The following SNX2 variants were observed in gnomAD, a reference collection of about 807,000 sequenced individuals.
The protein encoded by SNX2 is sorting nexin-2.
SNX2 carries 25 observed loss-of-function variants against 69.9 expected under a neutral mutation model. The ratio of observed to expected loss-of-function variants is 0.36; its 90% CI spans 0.26 to 0.50. The LOEUF is 0.50. Ranked by LOEUF, SNX2 falls within the 20% of genes least tolerant of loss-of-function variation. The probability of loss-of-function intolerance (pLI) is 0.97; values close to 1 mark genes in which losing one functional copy is unlikely to be tolerated. For synonymous variants in SNX2, 229 were observed against 200.4 expected (o/e 1.14, Z -1.20); for missense variants, 551 against 613.3 (o/e 0.90, Z 1.07).
Position 122,819,041 on chromosome 5 carries a change from T to A in SNX2, c.1212+18T>A. The stretch of plus-strand genomic sequence containing the variant: ...CAGTGAAAGTAAGCCCTTTCTTGCA[T>A]GCTTCTCACTTGTGTCGTGTACTTT... On this transcript the variant is annotated intron_variant, in intron 11 of 14. Transcript: ENST00000379516. The A allele has an allele frequency of 6.3e-7, 1 of 1,582,626 alleles. No individual in the cohort carries two copies. Among genetic ancestry groups the A allele is most frequent in the Non-Finnish European group, 8.7e-7 (1 of 1,152,194 alleles).
chr5:122,803,848 T>C (rs770641510), intron 6 of SNX2: 6 of 363,202 alleles, frequency 1.7e-5, no homozygotes, highest in East Asian at 4.8e-5. Flanking sequence ...ATGTTAAATA[T>C]TGGGTAGAGG....
intron 1 of SNX2, among the ~76,000 whole-genome samples, chr5:122,781,428 G>A (rs1379911121): frequency 6.6e-6 from 1 of 152,144 alleles, no homozygotes. Context: ...CATTTCAGTT[G>A]TTTCCAGTTT....
At chr5:122,801,477 C>T (rs2150008139) in intron 3 of SNX2, among the ~76,000 whole-genome samples, 1 of 152,032 alleles carries the variant, frequency 6.6e-6, no homozygotes, top group South Asian at 2.1e-4. Context: ...TGGTGGCAGA[C>T]ACCTGTAATC....
Position 122,809,429 on chromosome 5 carries a change from T to G in SNX2, c.722+1074T>G, listed in dbSNP as rs186256400. On this transcript the variant is annotated intron_variant, in intron 7 of 14. Transcript: ENST00000379516. ...AAGACTTGTCTTCCTTGAAGCAGACTAAAAGGGGGACAGATGGGAGGATGG... is the reference window on the plus strand; with the variant it reads ...AAGACTTGTCTTCCTTGAAGCAGACGAAAAGGGGGACAGATGGGAGGATGG... 3.9e-4 allele frequency among the ~76,000 whole-genome samples: 59 copies of G among 152,286 alleles called. No individual in the cohort carries two copies. The East Asian group carries it at 5.4e-3, about 14-fold the overall frequency.
chr5:122,799,058 C>T (rs1304598878), intron 2 of SNX2, among the ~76,000 whole-genome samples: 1 of 152,010 alleles, frequency 6.6e-6, no homozygotes, highest in Non-Finnish European at 1.5e-5. Flanking sequence ...TGTTATGTAG[C>T]CTGTAGACAT....
chr5:122,816,528 C>G (rs1404704094), intron 8 of SNX2, among the ~76,000 whole-genome samples: 1 of 152,104 alleles, frequency 6.6e-6, no homozygotes, highest in African/African-American at 2.4e-5. Context: ...ACAAAGCTAA[C>G]TGAGCATAAG....
intron 1 of SNX2, among the ~76,000 whole-genome samples, chr5:122,786,907 C>T (rs1033233781): frequency 1.6e-4 from 24 of 152,038 alleles, no homozygotes; most frequent in Middle Eastern, 3.4e-3. Flanking sequence ...GAGATACTAG[C>T]AAAAAAATCT....
rs1481383275 is a variant in SNX2, at chr5:122,830,875, G to A, written c.*1227G>A. The stretch of plus-strand genomic sequence containing the variant: ...AATACAAAAATTCGCCTGGTGTGGT[G>A]GGGTGTGCTTGTGGTCCCAGCTACT... On this transcript the variant is annotated 3_prime_UTR_variant, in exon 15 of 15. Transcript: ENST00000379516. Among the ~76,000 whole-genome samples, 2 of 152,078 alleles carry A rather than the reference G, an allele frequency of 1.3e-5. No individual in the cohort carries two copies. Among genetic ancestry groups the A allele is most frequent in the African/African-American group, 4.8e-5 (2 of 41,404 alleles).
At chr5:122,803,272 T>A (rs188569569) in intron 5 of SNX2, among the ~76,000 whole-genome samples, 200 bp from the exon 6 acceptor site, 10 of 151,602 alleles carry the variant, frequency 6.6e-5, no homozygotes, top group East Asian at 3.9e-4. Flanking sequence ...CAAATACTTT[T>A]TTGTCCTATT....
intron 7 of SNX2, among the ~76,000 whole-genome samples, chr5:122,811,599 A>G (rs1753778904): frequency 6.6e-6 from 1 of 152,116 alleles, no homozygotes; most frequent in South Asian, 2.1e-4. Context: ...TGGGAGGCTG[A>G]GGTGGGTGGA....
At chr5:122,815,865 G>A (rs111700016) in intron 7 of SNX2, 31 bp from the exon 8 acceptor site, 303 of 1,246,716 alleles carry the variant, frequency 2.4e-4, no homozygotes, top group Non-Finnish European at 3.2e-4. Context: ...AGATGCTACT[G>A]ATAAAGGAGC....
upstream of SNX2, chr5:122,775,020 G>GGCGGGTCGGC: frequency 1.5e-6 from 2 of 1,306,932 alleles, no homozygotes; most frequent in East Asian, 6.4e-5. Flanking sequence ...CGGGGAGGCT[G>GGCGGGTCGGC]GCGGGTCGGC....
At position 122,786,242 on chromosome 5, in the gene SNX2, T is replaced by C. The variant is rs375125178; in HGVS notation, c.109-9024T>C. Among the ~76,000 whole-genome samples, 83 of 152,288 alleles carry C rather than the reference T, an allele frequency of 5.5e-4. 1 individual carries two copies. The South Asian group carries it at 9.5e-3, about 17-fold the overall frequency. On this transcript the variant is annotated intron_variant, in intron 1 of 14. Coordinates refer to ENST00000379516, the MANE Select transcript of SNX2 (RefSeq NM_003100.4). ...TTGTTTTACTTTTAACTAATTTGTCTTTCAAGCAGGTTTTTTTTAGGCAAC... is the reference window on the plus strand; with the variant it reads ...TTGTTTTACTTTTAACTAATTTGTCCTTCAAGCAGGTTTTTTTTAGGCAAC...
chr5:122,776,329 T>C (rs1360640871), intron 1 of SNX2, among the ~76,000 whole-genome samples: 1 of 152,116 alleles, frequency 6.6e-6, no homozygotes, highest in African/African-American at 2.4e-5. Flanking sequence ...ATATGCAGTG[T>C]CCCACCCAAA....
chr5:122,815,896 G>A lies in SNX2; in HGVS notation c.723G>A (p.Arg241=). The A allele has an allele frequency of 6.4e-7, 1 of 1,565,324 alleles. No individual in the cohort carries two copies. Among genetic ancestry groups the A allele is most frequent in the Non-Finnish European group, 8.7e-7 (1 of 1,148,536 alleles). The change falls in exon 8 of 15, where the codon AGG becomes AGA. Residue 241 remains arginine (R), a splice_region_variant and synonymous_variant. Coordinates refer to ENST00000379516, the MANE Select transcript of SNX2 (RefSeq NM_003100.4). ...GGAGCAATTTTACTCTTAAATCTAG[G>A]TATCTTCAAAGAACAGTAAAACATC... ...FVEKRRAALE[R]YLQRTVKHPT... is the part of the protein sequence containing the mutation.
intron 1 of SNX2, among the ~76,000 whole-genome samples, chr5:122,779,445 C>A (rs1270525194): frequency 6.6e-6 from 1 of 152,030 alleles, no homozygotes; most frequent in African/African-American, 2.4e-5. Context: ...GGGCTTTTTT[C>A]CTTTAGTACA....
intron 11 of SNX2, among the ~76,000 whole-genome samples, chr5:122,823,046 A>G (rs1365669482): frequency 6.6e-6 from 1 of 152,196 alleles, no homozygotes; most frequent in Non-Finnish European, 1.5e-5. Flanking sequence ...TGATGGGCCA[A>G]AAAAACTGTT....
chr5:122,810,384 C>A (rs1753742115), intron 7 of SNX2, among the ~76,000 whole-genome samples: 1 of 139,046 alleles, frequency 7.2e-6, no homozygotes, highest in African/African-American at 2.7e-5. Flanking sequence ...CGAGAAACAC[C>A]CAAGAATGAT....
intron 1 of SNX2, among the ~76,000 whole-genome samples, chr5:122,776,735 T>C (rs1001168731): frequency 2.0e-5 from 3 of 152,200 alleles, no homozygotes; most frequent in African/African-American, 4.8e-5. Flanking sequence ...ACAAACTTGA[T>C]TGACCCTAGT....
Sources: allele counts gnomAD v4.1 joint callset (sites outside exome capture counted in the v4.1 genomes callset), GRCh38; gene constraint gnomAD v4.1.1; transcripts MANE v1.5; gene names NCBI Gene and HGNC (gene_info 2026-07-23, HGNC 2026-07-21).